Variants in STPG4 observed in about 807,000 individuals in gnomAD.
The protein encoded by STPG4 is sperm-tail PG-rich repeat containing 4, also known as protein STPG4.
STPG4 carries 41 observed loss-of-function variants against 31.5 expected under a neutral mutation model. The ratio of observed to expected loss-of-function variants is 1.30; its 90% CI spans 1.01 to 1.69. The LOEUF (loss-of-function observed/expected upper bound fraction) is 1.69, where lower values mean the gene tolerates loss of function less well. Among genes scored for constraint, STPG4 ranks in the 40% most tolerant of loss-of-function variants. The pLI is 0.00. For missense variants in STPG4, 375 were observed against 293.4 expected (o/e 1.28, Z -2.03); for synonymous variants, 141 against 103.0 (o/e 1.37, Z -2.24).
chr2:47,096,287 A>G (rs1402119849), intron 5 of STPG4, among the ~76,000 whole-genome samples: 1 of 152,178 alleles, frequency 6.6e-6, no homozygotes, highest in Non-Finnish European at 1.5e-5. Flanking sequence ...GAGTAAACCC[A>G]TCTGGTCCAA....
intron 5 of STPG4, among the ~76,000 whole-genome samples, chr2:47,105,359 T>C (rs1005236618): frequency 2.0e-5 from 3 of 151,934 alleles, no homozygotes; most frequent in Admixed American, 2.0e-4. Flanking sequence ...GATCTCACTG[T>C]CTGGACTACT....
intron 5 of STPG4, among the ~76,000 whole-genome samples, chr2:47,122,167 C>A (rs1327265851): frequency 2.0e-5 from 3 of 151,998 alleles, no homozygotes; most frequent in Non-Finnish European, 4.4e-5. Flanking sequence ...TATTTATGTC[C>A]TTTATCTGTT....
At chr2:47,131,273 C>T (rs1351091987) in intron 3 of STPG4, among the ~76,000 whole-genome samples, 3 of 152,080 alleles carry the variant, frequency 2.0e-5, no homozygotes, top group Non-Finnish European at 2.9e-5. Flanking sequence ...ACCACAGATG[C>T]GCACCACCAT....
At chr2:47,096,957 G>A (rs955809832) in intron 5 of STPG4, among the ~76,000 whole-genome samples, 1 of 152,144 alleles carries the variant, frequency 6.6e-6, no homozygotes, top group African/African-American at 2.4e-5. Context: ...TTCACAGTGA[G>A]GGGAGGCCAC....
At chr2:47,110,367 G>A (rs1210731944) in intron 5 of STPG4, among the ~76,000 whole-genome samples, 1 of 152,226 alleles carries the variant, frequency 6.6e-6, no homozygotes, top group Admixed American at 6.5e-5. Flanking sequence ...GCCAAGGTGG[G>A]CAGATCACTC....
At chr2:47,127,708 T>C (rs1456606767) in intron 5 of STPG4, among the ~76,000 whole-genome samples, 2 of 152,192 alleles carry the variant, frequency 1.3e-5, no homozygotes, top group African/African-American at 4.8e-5. Flanking sequence ...GTTTGCTAAA[T>C]TTATCTGATA....
rs1686931574 is a variant in STPG4, at chr2:47,151,347, A to C, written c.310T>G (p.Phe104Val). ...ACTTGCTTCTTTAACAGGTCCAGGA[A>C]GTCAGGAGGCATATACTGCGGAAGA... ...NDLPQYMPPDFLDLLKKQVAT... is the reference protein window; with the variant it reads ...NDLPQYMPPDVLDLLKKQVAT... The change falls in exon 3 of 7, where the codon TTC (phenylalanine) becomes GTC (valine). Residue 104 changes from phenylalanine to valine, a missense_variant. Transcript: ENST00000445927. 6.2e-7 allele frequency: 1 copy of C among 1,614,094 alleles called. No homozygotes were observed. Among genetic ancestry groups the C allele is most frequent in the Admixed American group, 1.7e-5 (1 of 60,006 alleles).
At chr2:47,128,503 G>C (rs1000975260) in intron 5 of STPG4, among the ~76,000 whole-genome samples, 40 of 152,074 alleles carry the variant, frequency 2.6e-4, no homozygotes, top group Admixed American at 2.5e-3. Context: ...AGCTAAGCTG[G>C]CACCCAAGCC....
At chr2:47,153,065 G>C in intron 1 of STPG4, 49 bp from the exon 2 acceptor site, 1 of 1,308,438 alleles carries the variant, frequency 7.6e-7, no homozygotes, top group Non-Finnish European at 1.1e-6. Context: ...GTGATCCCTT[G>C]AAATTAAATA....
chr2:47,133,327 T>C (rs1686526162), intron 3 of STPG4, among the ~76,000 whole-genome samples: 1 of 151,810 alleles, frequency 6.6e-6, no homozygotes, highest in South Asian at 2.1e-4. Flanking sequence ...CAACCACACC[T>C]AGCTATTTTT....
intron 1 of STPG4, 49 bp from the exon 2 acceptor site, chr2:47,153,065 G>T: frequency 1.5e-6 from 2 of 1,308,432 alleles, no homozygotes; most frequent in Non-Finnish European, 2.2e-6. Context: ...GTGATCCCTT[G>T]AAATTAAATA....
At chr2:47,103,021 T>A (rs1395912807) in intron 5 of STPG4, among the ~76,000 whole-genome samples, 2 of 151,854 alleles carry the variant, frequency 1.3e-5, no homozygotes, top group East Asian at 3.9e-4. Flanking sequence ...AGTTTGGAGA[T>A]ACCTGGTATC....
intron 5 of STPG4, chr2:47,108,870 T>A (rs1401713507): frequency 1.3e-5 from 2 of 152,246 alleles, no homozygotes; most frequent in Non-Finnish European, 2.9e-5. Flanking sequence ...GCCTGCCTTT[T>A]CACATTCCCT....
At chr2:47,148,457 C>T (rs1158970602) in intron 3 of STPG4, among the ~76,000 whole-genome samples, 1 of 151,908 alleles carries the variant, frequency 6.6e-6, no homozygotes, top group Non-Finnish European at 1.5e-5. Context: ...GAAAGTCTCT[C>T]CAATACAGAT....
At chr2:47,146,935 G>A (rs1314263000) in intron 3 of STPG4, among the ~76,000 whole-genome samples, 1 of 152,064 alleles carries the variant, frequency 6.6e-6, no homozygotes, top group Non-Finnish European at 1.5e-5. Flanking sequence ...TGAGGAGTTT[G>A]AGACCAGCCT....
intron 5 of STPG4, among the ~76,000 whole-genome samples, chr2:47,091,241 G>A (rs1304686632): frequency 6.6e-6 from 1 of 152,196 alleles, no homozygotes; most frequent in Non-Finnish European, 1.5e-5. Flanking sequence ...TCCTTATGAT[G>A]CTGGCAGAAG....
At chr2:47,143,875 A>C (rs1686765850) in intron 3 of STPG4, among the ~76,000 whole-genome samples, 1 of 152,186 alleles carries the variant, frequency 6.6e-6, no homozygotes, top group South Asian at 2.1e-4. Flanking sequence ...ACAGGTGATA[A>C]AGCCAGTTAG....
intron 5 of STPG4, among the ~76,000 whole-genome samples, chr2:47,092,629 C>T (rs1685593613): frequency 1.1e-5 from 1 of 88,068 alleles, no homozygotes. Context: ...AGAAAGGGAG[C>T]AGAGGGGAGA....
chr2:47,151,465 G>C lies in STPG4; in HGVS notation c.192C>G (p.Ser64=), dbSNP rs780563022. 1.7e-5 allele frequency: 28 copies of C among 1,613,694 alleles called. No homozygotes were observed. The highest frequency in any genetic ancestry group is 2.4e-5 in the Non-Finnish European group (28 of 1,179,772). Residue 64 remains serine, a synonymous_variant, in exon 3 of 7, where the codon TCC becomes TCG. Transcript: ENST00000445927. The stretch of plus-strand genomic sequence containing the variant: ...AGGTTGCTATCACTGGATTTAATAG[G>C]GATTCTTCAATAAAAGTTTTCAAGT... The part of the protein sequence containing the change: ...TYHLKTFIEE[S]LLNPVIATYN...
Sources: gnomAD v4.1 joint callset for allele counts (sites outside exome capture counted in the v4.1 genomes callset) on GRCh38, gnomAD v4.1.1 for gene constraint, MANE v1.5 for transcripts, NCBI Gene and HGNC (gene_info 2026-07-23, HGNC 2026-07-21) for gene names.